Variants in HYDIN observed in about 807,000 individuals in gnomAD.
HYDIN encodes the protein axonemal central pair apparatus protein HYDIN.
Under a neutral mutation model 403.9 loss-of-function variants are expected in HYDIN, and 132 were observed. That is an observed-to-expected ratio of 0.33 (90% CI 0.28 to 0.38). HYDIN has a LOEUF of 0.38. HYDIN is among the 10% of genes least tolerant of loss of function. The pLI, the probability that HYDIN is intolerant of heterozygous loss-of-function variation, is 1.00. For synonymous variants in HYDIN, 1,202 were observed against 1,891.7 expected (o/e 0.64, Z 9.46); for missense variants, 2,827 against 5,009.5 (o/e 0.56, Z 13.15).
chr16:70,921,356 T>A (rs1355511372), intron 45 of HYDIN, 139 bp from the exon 46 acceptor site: 2 of 715,204 alleles, frequency 2.8e-6, no homozygotes, highest in Non-Finnish European at 4.6e-6. Flanking sequence ...GCTAAGGTTG[T>A]GCCTGGGAAT....
chr16:71,182,140 C>T (rs961000953), intron 3 of HYDIN, among the ~76,000 whole-genome samples: 1 of 152,004 alleles, frequency 6.6e-6, no homozygotes, highest in Non-Finnish European at 1.5e-5. Context: ...TGAGAAGAGA[C>T]TGAGAGGGAG....
rs3743953 is a variant in HYDIN, at chr16:71,230,658, A to G, written c.-120T>C. 0.13 allele frequency: 198,428 copies of G among 1,535,720 alleles called. 17,121 individuals are homozygous for G. The highest frequency in any genetic ancestry group is 0.41 in the Admixed American group (21,070 of 50,960). On this transcript the variant is annotated 5_prime_UTR_variant, in exon 1 of 86. Transcript: ENST00000393567. ...CCCCGCCGCCGCTGAGGGGCTCCAT[A>G]CCCAGCTTGAAGCCGCCCGCACTCT...
At chr16:70,901,325 G>A (rs1382351006) in intron 52 of HYDIN, 123 bp from the exon 53 acceptor site, 4 of 610,640 alleles carry the variant, frequency 6.6e-6, no homozygotes, top group Non-Finnish European at 1.2e-5. Flanking sequence ...GTAAACACAT[G>A]TCATGGGGGT....
At chr16:70,882,990 A>T in intron 59 of HYDIN, 95 bp from the exon 60 acceptor site, 1 of 1,007,996 alleles carries the variant, frequency 9.9e-7, no homozygotes, top group African/African-American at 1.6e-5. Flanking sequence ...CACAAAGGAG[A>T]ATTGTGGAGG....
At chr16:71,188,741 G>A (rs2087277302) in intron 1 of HYDIN, among the ~76,000 whole-genome samples, 1 of 152,098 alleles carries the variant, frequency 6.6e-6, no homozygotes, top group Non-Finnish European at 1.5e-5. Context: ...TAAAAGATTT[G>A]AATGACATAA....
intron 18 of HYDIN, among the ~76,000 whole-genome samples, chr16:71,058,407 C>G (rs1875766534): frequency 8.1e-6 from 1 of 122,718 alleles, no homozygotes; most frequent in South Asian, 2.9e-4. Context: ...ATCACATGGA[C>G]ACAGGAAGGG....
chr16:70,990,548 G>T (rs1202095534), intron 25 of HYDIN, among the ~76,000 whole-genome samples: 1 of 148,714 alleles, frequency 6.7e-6, no homozygotes, highest in Non-Finnish European at 1.5e-5. Flanking sequence ...ATATATCAAA[G>T]ATTGTGCCAA....
chr16:70,892,556 C>G, intron 55 of HYDIN, 27 bp from the exon 56 acceptor site: 1 of 1,595,054 alleles, frequency 6.3e-7, no homozygotes, highest in Non-Finnish European at 8.5e-7. Context: ...AGAAGTCAGC[C>G]TAGGTCATTA....
At chr16:71,168,858 G>T (rs1388038024) in intron 5 of HYDIN, among the ~76,000 whole-genome samples, 1 of 152,176 alleles carries the variant, frequency 6.6e-6, no homozygotes, top group Non-Finnish European at 1.5e-5. Flanking sequence ...CTTATTTCAG[G>T]CAGAAATGTC....
chr16:70,910,485 G>C (rs141260857), intron 47 of HYDIN, among the ~76,000 whole-genome samples: 2,661 of 152,310 alleles, frequency 0.017, 79 homozygotes, highest in African/African-American at 0.061. Context: ...CTTGTTGACT[G>C]ATGGGCATTT....
chr16:70,919,371 G>A (rs529325269), intron 46 of HYDIN, among the ~76,000 whole-genome samples: 1 of 152,046 alleles, frequency 6.6e-6, no homozygotes, highest in East Asian at 2.0e-4. Flanking sequence ...AGGCTGGCCT[G>A]AGGTGAAACT....
intron 23 of HYDIN, among the ~76,000 whole-genome samples, chr16:71,011,220 G>T (rs1390616999): frequency 6.6e-6 from 1 of 151,992 alleles, no homozygotes; most frequent in Non-Finnish European, 1.5e-5. Flanking sequence ...GCATGTCTCA[G>T]GGACATATGC....
At chr16:70,811,731 C>A (rs1266879095) in intron 84 of HYDIN, among the ~76,000 whole-genome samples, 1 of 152,036 alleles carries the variant, frequency 6.6e-6, no homozygotes, top group Non-Finnish European at 1.5e-5. Flanking sequence ...GTGGCACATG[C>A]CTGTGATCTT....
intron 18 of HYDIN, among the ~76,000 whole-genome samples, chr16:71,050,027 GGTGT>G (rs369332510): frequency 2.7e-5 from 4 of 146,946 alleles, no homozygotes; most frequent in Admixed American, 1.4e-4. Flanking sequence ...CACTGGTTGG[GGTGT>G]GTGTGTGTGT....
At chr16:71,080,111 C>G in intron 12 of HYDIN, 159 bp from the exon 13 acceptor site, 1 of 507,704 alleles carries the variant, frequency 2.0e-6, no homozygotes, top group East Asian at 3.1e-5. Flanking sequence ...TGGTCTATCA[C>G]AGTGGTTCTT....
intron 9 of HYDIN, among the ~76,000 whole-genome samples, chr16:71,116,442 T>C (rs1417009078): frequency 1.3e-5 from 2 of 152,350 alleles, no homozygotes; most frequent in Non-Finnish European, 2.9e-5. Context: ...GCTGGACACT[T>C]CGGTTGCTTC....
intron 14 of HYDIN, among the ~76,000 whole-genome samples, chr16:71,068,974 C>A (rs975561248): frequency 6.6e-6 from 1 of 151,576 alleles, no homozygotes; most frequent in African/African-American, 2.4e-5. Flanking sequence ...ATATTAGTAC[C>A]GCTGGGAGTA....
chr16:71,198,124 G>A (rs903943153), intron 1 of HYDIN, among the ~76,000 whole-genome samples: 4 of 152,182 alleles, frequency 2.6e-5, no homozygotes, highest in African/African-American at 9.7e-5. Context: ...CTAGATGAAT[G>A]GAATCACATA....
chr16:71,157,481 C>G (rs2085819755), intron 6 of HYDIN, among the ~76,000 whole-genome samples: 1 of 149,818 alleles, frequency 6.7e-6, no homozygotes, highest in Non-Finnish European at 1.5e-5. Context: ...GTCAGGGGAT[C>G]TCCTTAGAGA....
Sources: gnomAD v4.1 joint callset for allele counts (sites outside exome capture counted in the v4.1 genomes callset) on GRCh38, gnomAD v4.1.1 for gene constraint, MANE v1.5 for transcripts, NCBI Gene and HGNC (gene_info 2026-07-23, HGNC 2026-07-21) for gene names.